NRXN1: variants seen among roughly 807,000 people sequenced by gnomAD.
NRXN1 encodes the protein neurexin 1.
In NRXN1, 39 loss-of-function variants were observed where a neutral mutation model predicts 150.9. The ratio of observed to expected loss-of-function variants is 0.26; its 90% CI spans 0.20 to 0.34. NRXN1 has a LOEUF of 0.34. Ranked by LOEUF, NRXN1 falls within the 10% of genes least tolerant of loss-of-function variation. NRXN1 has a pLI of 1.00. For missense variants in NRXN1, 1,815 were observed against 1,949.9 expected, an observed-to-expected ratio of 0.93 and a Z score of 1.30; for synonymous variants, 924 against 757.0, an observed-to-expected ratio of 1.22 and a Z score of -3.62.
chr2:51,001,774 A>G (rs1406564488), intron 2 of NRXN1, among the ~76,000 whole-genome samples: 4 of 152,006 alleles, frequency 2.6e-5, no homozygotes, highest in African/African-American at 4.8e-5. Flanking sequence ...ATCCCCAAAT[A>G]TAACAGTTTG....
chr2:50,527,109 T>C (rs2092973738), intron 12 of NRXN1, among the ~76,000 whole-genome samples: 1 of 152,208 alleles, frequency 6.6e-6, no homozygotes, highest in African/African-American at 2.4e-5. Context: ...CCTTGTTGCA[T>C]GCTTCATATA....
intron 5 of NRXN1, among the ~76,000 whole-genome samples, chr2:50,735,744 C>G (rs184433577): frequency 6.6e-6 from 1 of 152,170 alleles, no homozygotes; most frequent in African/African-American, 2.4e-5. Flanking sequence ...AGGTCCAGAT[C>G]CACATATTCA....
At chr2:50,922,723 A>G (rs764545604) in intron 3 of NRXN1, 36 bp from the exon 4 acceptor site, 2 of 1,606,750 alleles carry the variant, frequency 1.2e-6, no homozygotes, top group Non-Finnish European at 1.7e-6. Flanking sequence ...AGCAATAAAC[A>G]AGGGAGCATG....
At chr2:51,026,566 A>G (rs1670507294) in intron 2 of NRXN1, 1 of 752,868 alleles carries the variant, frequency 1.3e-6, no homozygotes, top group Non-Finnish European at 2.3e-6. Flanking sequence ...CTTGGCCTCC[A>G]CTACCCAGAT....
chr2:50,286,509 T>C (rs2072199335), intron 17 of NRXN1, among the ~76,000 whole-genome samples: 1 of 152,184 alleles, frequency 6.6e-6, no homozygotes, highest in Non-Finnish European at 1.5e-5. Flanking sequence ...ATATATACCT[T>C]TTTAAAAAAT....
intron 18 of NRXN1, among the ~76,000 whole-genome samples, chr2:50,195,959 T>C (rs1297724134): frequency 6.6e-6 from 1 of 152,096 alleles, no homozygotes; most frequent in African/African-American, 2.4e-5. Flanking sequence ...GTTTGTTTTA[T>C]TTTTTATTTT....
intron 5 of NRXN1, among the ~76,000 whole-genome samples, chr2:50,651,008 A>T (rs1344735036): frequency 6.6e-6 from 1 of 152,088 alleles, no homozygotes; most frequent in Non-Finnish European, 1.5e-5. Flanking sequence ...AAGTGAATTG[A>T]TGGATTATAG....
At chr2:50,922,947 C>A (rs1265583899) in intron 3 of NRXN1, among the ~76,000 whole-genome samples, 1 of 151,862 alleles carries the variant, frequency 6.6e-6, no homozygotes, top group African/African-American at 2.4e-5. Context: ...ACCAAGAGCA[C>A]AAGAGCATGA....
chr2:50,580,988 T>A (rs1436168541), intron 8 of NRXN1, among the ~76,000 whole-genome samples: 1 of 152,136 alleles, frequency 6.6e-6, no homozygotes, highest in South Asian at 2.1e-4. Context: ...AATGTAACAA[T>A]TCCTTTAAAA....
intron 5 of NRXN1, among the ~76,000 whole-genome samples, chr2:50,796,583 T>C (rs913192678): frequency 2.6e-5 from 4 of 152,158 alleles, no homozygotes; most frequent in African/African-American, 7.2e-5. Flanking sequence ...AAAGTTTGGC[T>C]TTCCCCTAAG....
chr2:50,212,671 G>A (rs928217219), intron 18 of NRXN1, among the ~76,000 whole-genome samples: 1 of 151,814 alleles, frequency 6.6e-6, no homozygotes, highest in Non-Finnish European at 1.5e-5. Context: ...CAGAGGAGGA[G>A]CATTCTTAGG....
At chr2:50,107,245 C>T (rs1038899058) in intron 18 of NRXN1, among the ~76,000 whole-genome samples, 1 of 112,354 alleles carries the variant, frequency 8.9e-6, no homozygotes, top group Non-Finnish European at 1.7e-5. Context: ...ACATGCATTA[C>T]TTCTGATACA....
intron 8 of NRXN1, among the ~76,000 whole-genome samples, chr2:50,615,025 A>G (rs534680203): frequency 9.8e-5 from 15 of 152,292 alleles, no homozygotes; most frequent in Non-Finnish European, 1.6e-4. Flanking sequence ...ATTTTCACCA[A>G]TAAGGTGAGG....
At chr2:50,515,628 T>TGTGTGTGC (rs939811478) in intron 12 of NRXN1, among the ~76,000 whole-genome samples, 39 of 151,904 alleles carry the variant, frequency 2.6e-4, no homozygotes, top group Middle Eastern at 3.4e-3. Context: ...TGTGTGTGTG[T>TGTGTGTGC]GTGTGTGTGT....
chr2:50,040,848 T>C (rs951754402), intron 21 of NRXN1, among the ~76,000 whole-genome samples: 3 of 151,498 alleles, frequency 2.0e-5, no homozygotes, highest in Non-Finnish European at 2.9e-5. Context: ...TGTATTTTCT[T>C]TTTTTTTCTA....
At chr2:50,689,100 G>A (rs1304594540) in intron 5 of NRXN1, among the ~76,000 whole-genome samples, 1 of 152,042 alleles carries the variant, frequency 6.6e-6, no homozygotes, top group Non-Finnish European at 1.5e-5. Flanking sequence ...GATATGCATT[G>A]AGATCCACCT....
intron 17 of NRXN1, among the ~76,000 whole-genome samples, chr2:50,362,993 G>C (rs1309498400): frequency 6.6e-6 from 1 of 152,104 alleles, no homozygotes; most frequent in Non-Finnish European, 1.5e-5. Context: ...AATGGGGAAA[G>C]GATCCCCTAT....
At chr2:50,781,484 G>T (rs1336381889) in intron 5 of NRXN1, among the ~76,000 whole-genome samples, 1 of 152,072 alleles carries the variant, frequency 6.6e-6, no homozygotes, top group South Asian at 2.1e-4. Flanking sequence ...GAGAATAAAA[G>T]ATTTTGTGAA....
At chr2:50,528,831 G>A in intron 11 of NRXN1, 180 bp from the exon 12 acceptor site, 2 of 489,986 alleles carry the variant, frequency 4.1e-6, no homozygotes, top group Non-Finnish European at 7.3e-6. Context: ...GTTTACCATT[G>A]GAAACAACAA....
Sources: gnomAD v4.1 joint callset for allele counts (sites outside exome capture counted in the v4.1 genomes callset) on GRCh38, gnomAD v4.1.1 for gene constraint, MANE v1.5 for transcripts, NCBI Gene and HGNC (gene_info 2026-07-23, HGNC 2026-07-21) for gene names.